Variants in CHODL observed in about 807,000 individuals in gnomAD.
CHODL encodes the protein chondrolectin.
Under a neutral mutation model 34.5 loss-of-function variants are expected in CHODL, and 29 were observed. The observed-to-expected ratio is 0.84, with a 90% CI of 0.63 to 1.15. CHODL has a LOEUF of 1.15. Among genes scored for constraint, CHODL ranks in the 50% most tolerant of loss-of-function variants. The pLI is 0.00. For synonymous variants in CHODL, 125 were observed against 116.1 expected (o/e 1.08, Z -0.49); for missense variants, 332 against 332.5 (o/e 1.00, Z 0.01).
At chr21:18,248,500 G>C (rs73318232) in intron 1 of CHODL, among the ~76,000 whole-genome samples, 4,334 of 148,522 alleles carry the variant, frequency 0.029, 228 homozygotes, top group African/African-American at 0.099. Flanking sequence ...ACTGCTGTTT[G>C]TCATCATTTT....
chr21:17,995,656 T>C (rs2063842102), intron 1 of CHODL, among the ~76,000 whole-genome samples: 2 of 152,228 alleles, frequency 1.3e-5, no homozygotes, highest in Admixed American at 1.3e-4. Flanking sequence ...TCCCATCTCT[T>C]GTGCAGTTAG....
intron 2 of CHODL, among the ~76,000 whole-genome samples, chr21:18,224,549 A>C (rs2073914005): frequency 6.6e-6 from 1 of 152,204 alleles, no homozygotes; most frequent in Admixed American, 6.5e-5. Context: ...GGTACCCACC[A>C]GAAGCCTTGA....
chr21:17,978,459 C>T (rs1012841187), intron 1 of CHODL, among the ~76,000 whole-genome samples: 2 of 151,452 alleles, frequency 1.3e-5, no homozygotes, highest in African/African-American at 4.9e-5. Flanking sequence ...TGGCGCACGC[C>T]TGTAATCCCA....
In CHODL at chr21:18,086,306, A is replaced by G. The variant is rs143794779; in HGVS notation, c.-45+58335A>G. Among the ~76,000 whole-genome samples, 493 of 151,954 alleles carry G rather than the reference A, an allele frequency of 3.2e-3. 7 individuals are homozygous for G. In the Middle Eastern group the frequency reaches 0.075, roughly 23 times the overall value. On this transcript the variant is annotated intron_variant, in intron 2 of 6. Transcript: ENST00000400127. ...GGTTTTCAGATTTCTCTTGCATCTG[A>G]TTGAGCTCCTTTTAAATCAATATTT... is the stretch of plus-strand genomic sequence containing the variant.
intron 1 of CHODL, among the ~76,000 whole-genome samples, chr21:18,248,712 A>ATATGTAT (rs1207437522): frequency 8.4e-5 from 10 of 119,588 alleles, no homozygotes; most frequent in African/African-American, 3.6e-4. Context: ...TGTATATAAT[A>ATATGTAT]TATACATATA....
chr21:18,227,775 A>G (rs117882281), intron 2 of CHODL, among the ~76,000 whole-genome samples: 2,237 of 152,306 alleles, frequency 0.015, 30 homozygotes, highest in South Asian at 0.031. Context: ...AATAATTTAT[A>G]AAACATTCAC....
chr21:18,058,590 A>G (rs204014), intron 2 of CHODL, among the ~76,000 whole-genome samples: 91,071 of 152,068 alleles, frequency 0.6, 27,981 homozygotes, highest in Middle Eastern at 0.66. Context: ...CAGGCAGAGA[A>G]AGACAAATAA....
chr21:18,246,976 A>T (rs961405814), intron 1 of CHODL, among the ~76,000 whole-genome samples: 6 of 152,178 alleles, frequency 3.9e-5, no homozygotes, highest in Non-Finnish European at 7.4e-5. Flanking sequence ...GATGATGTTT[A>T]TTTGATATTA....
At chr21:18,059,494 T>A (rs1327840675) in intron 2 of CHODL, among the ~76,000 whole-genome samples, 1 of 46,334 alleles carries the variant, frequency 2.2e-5, no homozygotes, top group Non-Finnish European at 4.1e-5. Flanking sequence ...ACTCATGATC[T>A]TTTTTTTTTT....
intron 1 of CHODL, among the ~76,000 whole-genome samples, chr21:17,985,062 A>G (rs197550): frequency 0.56 from 85,454 of 151,878 alleles, 24,711 homozygotes; most frequent in African/African-American, 0.69. Context: ...TGAGTCATTT[A>G]ATGTAGTTCC....
At chr21:18,230,046 G>T (rs190062480) in intron 2 of CHODL, among the ~76,000 whole-genome samples, 1 of 152,224 alleles carries the variant, frequency 6.6e-6, no homozygotes, top group Non-Finnish European at 1.5e-5. Context: ...TTTTTGCGCA[G>T]TCATACAGTG....
At chr21:17,950,147 A>G (rs982391165) in intron 1 of CHODL, among the ~76,000 whole-genome samples, 3 of 152,156 alleles carry the variant, frequency 2.0e-5, no homozygotes, top group African/African-American at 7.2e-5. Context: ...CAAAGCTATG[A>G]GAAGAAATAG....
intron 1 of CHODL, among the ~76,000 whole-genome samples, chr21:17,998,242 G>C (rs988037198): frequency 5.3e-5 from 8 of 152,204 alleles, no homozygotes; most frequent in Non-Finnish European, 1.0e-4. Context: ...CTCACACCCA[G>C]GTCATGCTGA....
chr21:18,008,466 A>G (rs1228840520), intron 1 of CHODL, among the ~76,000 whole-genome samples: 2 of 152,016 alleles, frequency 1.3e-5, no homozygotes, highest in Non-Finnish European at 2.9e-5. Flanking sequence ...ATAGCTGAAG[A>G]ACAACTCTCC....
chr21:18,253,758 C>T (rs2074284161), intron 1 of CHODL, among the ~76,000 whole-genome samples: 1 of 152,098 alleles, frequency 6.6e-6, no homozygotes, highest in Non-Finnish European at 1.5e-5. Context: ...CCTGAAGTTT[C>T]TCTAACTTAT....
chr21:18,245,538 C>G (rs947487586), intron 1 of CHODL, among the ~76,000 whole-genome samples: 71 of 152,296 alleles, frequency 4.7e-4, no homozygotes, highest in African/African-American at 1.6e-3. Context: ...GCGGAGCGAG[C>G]CTCTGCTTCA....
At position 18,088,093 on chromosome 21, in the gene CHODL, C is replaced by T. The variant is rs375983033; in HGVS notation, c.-45+60122C>T. 4.6e-5 allele frequency among the ~76,000 whole-genome samples: 7 copies of T among 152,144 alleles called. No individual in the cohort carries two copies. In the East Asian group the frequency reaches 1.2e-3, roughly 25 times the overall value. Reference sequence around the variant, plus strand: ...GGTATGTTCACCCCCAGGATCCAGTCACCTACCAGGCCCCTCCTCCAACAG... The same window carrying T: ...GGTATGTTCACCCCCAGGATCCAGTTACCTACCAGGCCCCTCCTCCAACAG... On this transcript the variant is annotated intron_variant, in intron 2 of 6. Coordinates refer to the CHODL transcript ENST00000400127.
chr21:18,102,465 G>A (rs1462699915), intron 2 of CHODL, among the ~76,000 whole-genome samples: 1 of 152,114 alleles, frequency 6.6e-6, no homozygotes, highest in Non-Finnish European at 1.5e-5. Context: ...AGTGAGCAAG[G>A]TCAATTCAAT....
rs1568957460 is a variant in CHODL at position 18,251,497 on chromosome 21, A to AT, written c.80-5012_80-5011insT. Among the ~76,000 whole-genome samples the AT allele has an allele frequency of 2.0e-4, 10 of 49,746 alleles. 1 individual carries two copies. Among genetic ancestry groups the AT allele is most frequent in the South Asian group, 1.5e-3 (2 of 1,348 alleles). The allele number at this position is 49,746 out of a possible 152,430, so 32.6% of individuals were successfully genotyped here. On this transcript the variant is annotated intron_variant, in intron 1 of 5. Transcript: ENST00000299295. ...ATTATTTATTTTAATATATAAAATA[A>AT]ATATTTATTTTAATATATAAAATAT...
Sources: allele counts gnomAD v4.1 joint callset (sites outside exome capture counted in the v4.1 genomes callset), GRCh38; gene constraint gnomAD v4.1.1; transcripts MANE v1.5; gene names NCBI Gene and HGNC (gene_info 2026-07-23, HGNC 2026-07-21).